The following MSI2 variants were observed in gnomAD, a reference collection of about 807,000 sequenced individuals.
MSI2 encodes the protein musashi RNA binding protein 2.
A neutral mutation model predicts 45.6 loss-of-function variants in MSI2; 17 were observed. The observed-to-expected ratio is 0.37, with a 90% CI of 0.26 to 0.56. The LOEUF (loss-of-function observed/expected upper bound fraction) is 0.56, where lower values mean the gene tolerates loss of function less well. Ranked by LOEUF, MSI2 falls within the 20% of genes least tolerant of loss-of-function variation. The probability of loss-of-function intolerance (pLI) is 0.77; values close to 1 mark genes in which losing one functional copy is unlikely to be tolerated. For synonymous variants in MSI2, 156 were observed against 158.2 expected (o/e 0.99, Z 0.11); for missense variants, 293 against 444.2 (o/e 0.66, Z 3.06).
intron 9 of MSI2, chr17:57,618,429 G>T (rs1468211208): frequency 6.6e-6 from 1 of 152,178 alleles, no homozygotes; most frequent in Non-Finnish European, 1.5e-5. Flanking sequence ...AAGAGTTGGG[G>T]GCCAGGCCGG....
chr17:57,687,725 G>A (rs1280191469), downstream of MSI2, among the ~76,000 whole-genome samples: 3 of 152,040 alleles, frequency 2.0e-5, no homozygotes, highest in Non-Finnish European at 1.5e-5. Context: ...CCTGTTTTAT[G>A]AAACACATGG....
intron 5 of MSI2, among the ~76,000 whole-genome samples, chr17:57,345,222 T>G (rs1915506487): frequency 6.6e-6 from 1 of 152,228 alleles, no homozygotes; most frequent in Non-Finnish European, 1.5e-5. Context: ...CCACCTGCAC[T>G]GTGGTTATGG....
At chr17:57,685,511 G>GT (rs1913855212), downstream of MSI2, 2 of 152,206 alleles carry the variant, frequency 1.3e-5, no homozygotes, top group African/African-American at 4.8e-5. Context: ...CATATAACAA[G>GT]TTTATCTTTT....
intron 7 of MSI2, among the ~76,000 whole-genome samples, chr17:57,581,004 C>CATTTTTTTTTTTTTT (rs2088188420): frequency 1.5e-5 from 1 of 66,506 alleles, no homozygotes; most frequent in Non-Finnish European, 2.7e-5. Context: ...AGGTCAGCAT[C>CATTTTTTTTTTTTTT]TTTTTTTTTT....
intron 8 of MSI2, among the ~76,000 whole-genome samples, chr17:57,610,172 G>A (rs1907095864): frequency 6.6e-6 from 1 of 152,136 alleles, no homozygotes; most frequent in Non-Finnish European, 1.5e-5. Flanking sequence ...AAAAATCCTG[G>A]CCAGGTGCAG....
At chr17:57,575,982 A>T (rs1598415185) in intron 7 of MSI2, among the ~76,000 whole-genome samples, 1 of 144,816 alleles carries the variant, frequency 6.9e-6, no homozygotes, top group Non-Finnish European at 1.5e-5. Flanking sequence ...TTGGAAAAGG[A>T]GGCTCTGGTG....
intron 7 of MSI2, among the ~76,000 whole-genome samples, chr17:57,539,413 C>T (rs940569808): frequency 2.6e-5 from 4 of 151,336 alleles, no homozygotes; most frequent in East Asian, 2.0e-4. Context: ...ATTTACCAGC[C>T]GGGCACAGTG....
intron 5 of MSI2, among the ~76,000 whole-genome samples, chr17:57,307,254 T>C: frequency 6.6e-6 from 1 of 152,234 alleles, no homozygotes; most frequent in East Asian, 1.9e-4. Context: ...TTAACATTTC[T>C]AATCAGTTGA....
intron 7 of MSI2, among the ~76,000 whole-genome samples, chr17:57,563,282 AC>A (rs2087633279): frequency 6.6e-6 from 1 of 152,002 alleles, no homozygotes; most frequent in African/African-American, 2.4e-5. Context: ...CATTTTTCAT[AC>A]CAATGGCTGC....
chr17:57,461,168 G>T (rs1206338503), intron 6 of MSI2, among the ~76,000 whole-genome samples: 1 of 152,108 alleles, frequency 6.6e-6, no homozygotes, highest in Non-Finnish European at 1.5e-5. Flanking sequence ...CCCTGCCCTT[G>T]ACCCGGCCGC....
At chr17:57,630,515 G>C (rs1390477273) in intron 10 of MSI2, 1 of 152,260 alleles carries the variant, frequency 6.6e-6, no homozygotes, top group Non-Finnish European at 1.5e-5. Flanking sequence ...GGGAGGGCAA[G>C]AGTGGAGTGG....
intron 5 of MSI2, chr17:57,285,732 C>T: frequency 1.2e-6 from 1 of 829,284 alleles, no homozygotes; most frequent in Non-Finnish European, 1.7e-6. Flanking sequence ...GTAGGTATTC[C>T]TGAGAATTTC....
rs1913496863 is a variant in MSI2, at chr17:57,679,894, T to C, written c.*377T>C. ...CCAGTAGTCACATAGCTTTAATATC[T>C]AGTTCAAAGCTAACCATAGTATAAT... On this transcript the variant is annotated 3_prime_UTR_variant, in exon 14 of 14. Coordinates refer to ENST00000284073, the MANE Select transcript of MSI2 (RefSeq NM_138962.4). 4.3e-6 allele frequency: 1 copy of C among 231,138 alleles called. No individual in the cohort carries two copies. The highest frequency in any genetic ancestry group is 8.6e-6 in the Non-Finnish European group (1 of 116,704). The allele number at this position is 231,138 out of a possible 1,614,324, so 14.3% of individuals were successfully genotyped here. A position where few individuals can be genotyped will look rare whatever the true frequency, so the allele number is the denominator to read the frequency against.
intron 6 of MSI2, among the ~76,000 whole-genome samples, chr17:57,506,236 T>C (rs1158685507): frequency 6.6e-6 from 1 of 152,202 alleles, no homozygotes; most frequent in African/African-American, 2.4e-5. Flanking sequence ...TCTTTCTCTT[T>C]GAAAGGCGTG....
At chr17:57,382,889 A>G (rs2144034980) in intron 5 of MSI2, among the ~76,000 whole-genome samples, 1 of 152,292 alleles carries the variant, frequency 6.6e-6, no homozygotes, top group East Asian at 1.9e-4. Context: ...CTCTTATGCT[A>G]TTTCTAGGCA....
Position 57,518,715 on chromosome 17 carries a change from G to C in MSI2, c.406-10961G>C, listed in dbSNP as rs537263803. Among the ~76,000 whole-genome samples, 5 of 152,190 alleles carry C rather than the reference G, an allele frequency of 3.3e-5. No homozygotes were observed. In the South Asian group the frequency reaches 1.0e-3, roughly 32 times the overall value. On this transcript the variant is annotated intron_variant, in intron 6 of 13. Coordinates refer to ENST00000284073, the MANE Select transcript of MSI2 (RefSeq NM_138962.4). ...GGGAGAGGCTGGAGAGGGGGAGAAG[G>C]GAGCATTCAGCAGTTCAGCAGCCTG...
intron 7 of MSI2, among the ~76,000 whole-genome samples, chr17:57,577,354 C>A (rs180714134): frequency 2.0e-5 from 3 of 152,290 alleles, no homozygotes; most frequent in African/African-American, 7.2e-5. Flanking sequence ...CAAGATGGGG[C>A]CAGGGACCAC....
intron 7 of MSI2, among the ~76,000 whole-genome samples, chr17:57,591,628 G>A (rs1181355994): frequency 1.3e-5 from 2 of 151,544 alleles, no homozygotes; most frequent in East Asian, 1.9e-4. Flanking sequence ...CTGACAGCCT[G>A]AGATAAGAGG....
At chr17:57,650,805 T>G (rs1911085298) in intron 10 of MSI2, among the ~76,000 whole-genome samples, 1 of 152,194 alleles carries the variant, frequency 6.6e-6, no homozygotes, top group Admixed American at 6.5e-5. Context: ...TTAGTGGGCT[T>G]CTAGTTCGCT....
Sources: gnomAD v4.1 joint callset for allele counts (sites outside exome capture counted in the v4.1 genomes callset) on GRCh38, gnomAD v4.1.1 for gene constraint, MANE v1.5 for transcripts, NCBI Gene and HGNC (gene_info 2026-07-23, HGNC 2026-07-21) for gene names.